The following CFAP43 variants were observed in gnomAD, a reference collection of about 807,000 sequenced individuals.
The protein encoded by CFAP43 is cilia- and flagella-associated protein 43.
In CFAP43, 155 loss-of-function variants were observed where a neutral mutation model predicts 218.9. That is an observed-to-expected ratio of 0.71 (90% confidence interval 0.62 to 0.81). The LOEUF is 0.81. Among genes scored for constraint, CFAP43 ranks in the 30% least tolerant of loss-of-function variants. The pLI is 0.00. For synonymous variants in CFAP43, 645 were observed against 681.3 expected, an observed-to-expected ratio of 0.95 and a Z score of 0.83; for missense variants, 1,778 against 1,954.3, an observed-to-expected ratio of 0.91 and a Z score of 1.70.
At chr10:104,217,551 A>G in intron 3 of CFAP43, among the ~76,000 whole-genome samples, 1 of 152,180 alleles carries the variant, frequency 6.6e-6, no homozygotes, top group East Asian at 1.9e-4. Flanking sequence ...CTTTGCTAGT[A>G]GAGCCTCTCA....
intron 5 of CFAP43, among the ~76,000 whole-genome samples, chr10:104,210,416 G>A (rs572642522): frequency 1.3e-5 from 2 of 152,334 alleles, no homozygotes; most frequent in South Asian, 4.1e-4. Context: ...ACCCAGGCTG[G>A]AGTGCAATGG....
At chr10:104,190,249 C>T (rs1331494218) in intron 12 of CFAP43, among the ~76,000 whole-genome samples, 2 of 151,308 alleles carry the variant, frequency 1.3e-5, no homozygotes. Flanking sequence ...GCAGTATTGC[C>T]TGAGCCTAGG....
chr10:104,214,440 A>G lies in CFAP43; in HGVS notation c.417-14T>C. 6.5e-7 allele frequency: 1 copy of G among 1,543,790 alleles called. No homozygotes were observed. The highest frequency in any genetic ancestry group is 8.8e-7 in the Non-Finnish European group (1 of 1,141,730). ...GATTCCCAGTTCCTTAGAGAAAAAT[A>G]GCATTTGATGAAAAAAAGTTCATTT... On this transcript the variant is annotated splice_polypyrimidine_tract_variant and intron_variant, in intron 3 of 37. Transcript: ENST00000357060.
chr10:104,204,136 C>T (rs2090613322), intron 7 of CFAP43, among the ~76,000 whole-genome samples: 1 of 152,142 alleles, frequency 6.6e-6, no homozygotes, highest in South Asian at 2.1e-4. Context: ...GTTTGTGTGG[C>T]TTGTGTATAG....
At chr10:104,188,998 TCAG>T (rs1468400089) in intron 12 of CFAP43, among the ~76,000 whole-genome samples, 2 of 152,138 alleles carry the variant, frequency 1.3e-5, no homozygotes, top group Non-Finnish European at 2.9e-5. Context: ...CCCCAGGCGG[TCAG>T]CAGATGACCT....
At chr10:104,145,377 A>C in intron 31 of CFAP43, 99 bp downstream of exon 31, 1 of 687,208 alleles carries the variant, frequency 1.5e-6, no homozygotes, top group Non-Finnish European at 2.4e-6. Context: ...TACACTGAAT[A>C]ATTCCATTTA....
intron 3 of CFAP43, among the ~76,000 whole-genome samples, chr10:104,221,578 C>A (rs1343329266): frequency 6.6e-6 from 1 of 152,130 alleles, no homozygotes. Flanking sequence ...GAATTTCTAG[C>A]CTTCAGAATT....
intron 1 of CFAP43, 56 bp from the exon 2 acceptor site, chr10:104,230,899 T>C (rs2091433766): frequency 1.3e-6 from 2 of 1,506,778 alleles, no homozygotes; most frequent in African/African-American, 2.8e-5. Context: ...CTTTTTTTTT[T>C]TTAACAAAGC....
At chr10:104,198,255 A>G (rs879575625) in intron 8 of CFAP43, among the ~76,000 whole-genome samples, 4 of 152,104 alleles carry the variant, frequency 2.6e-5, no homozygotes, top group Admixed American at 6.5e-5. Context: ...TCATTCATTC[A>G]TTCACTTATT....
chr10:104,218,703 A>G, intron 3 of CFAP43: 1 of 499,326 alleles, frequency 2.0e-6, no homozygotes, highest in Non-Finnish European at 4.1e-6. Flanking sequence ...TCTTTCATGC[A>G]AGCCCTGCAT....
intron 15 of CFAP43, 119 bp from the exon 16 acceptor site, chr10:104,185,265 T>C: frequency 7.4e-7 from 1 of 1,348,136 alleles, no homozygotes; most frequent in Non-Finnish European, 1.0e-6. Context: ...CTAACAGCAT[T>C]TTAATTGGTA....
intron 25 of CFAP43, 30 bp downstream of exon 25, chr10:104,162,287 T>G (rs747656145): frequency 3.8e-6 from 6 of 1,576,502 alleles, no homozygotes; most frequent in South Asian, 1.1e-5. Context: ...AAAGAGGGTC[T>G]TAGGACCTGT....
chr10:104,146,426 G>C (rs1308639856), intron 29 of CFAP43, 77 bp from the exon 30 acceptor site: 1 of 1,072,594 alleles, frequency 9.3e-7, no homozygotes, highest in Non-Finnish European at 1.4e-6. Context: ...ATACTAAAAA[G>C]AGCAAGGAAT....
intron 2 of CFAP43, 97 bp downstream of exon 2, chr10:104,230,493 A>C: frequency 6.8e-7 from 1 of 1,466,278 alleles, no homozygotes; most frequent in Non-Finnish European, 9.2e-7. Context: ...AAACAAAAAA[A>C]ACCTTTCAAA....
chr10:104,221,012 G>A (rs1467971471), intron 3 of CFAP43, among the ~76,000 whole-genome samples: 1 of 149,472 alleles, frequency 6.7e-6, no homozygotes, highest in Admixed American at 6.7e-5. Flanking sequence ...GTCTCGCTCT[G>A]TCACCCAGGC....
chr10:104,227,280 G>A (rs2091328020), intron 2 of CFAP43, among the ~76,000 whole-genome samples: 1 of 151,978 alleles, frequency 6.6e-6, no homozygotes, highest in Non-Finnish European at 1.5e-5. Context: ...GTAAATCTTT[G>A]ACCATATTTC....
intron 34 of CFAP43, among the ~76,000 whole-genome samples, chr10:104,136,319 A>G (rs1033339363): frequency 5.3e-5 from 8 of 150,688 alleles, no homozygotes; most frequent in African/African-American, 1.7e-4. Context: ...ATAAATCTTC[A>G]TGACTTCAGA....
chr10:104,186,939 A>AT (rs1180476504), intron 14 of CFAP43, among the ~76,000 whole-genome samples: 13 of 152,134 alleles, frequency 8.5e-5, no homozygotes, highest in South Asian at 6.2e-4. Flanking sequence ...CAGTTTAATT[A>AT]TTTTTTGTAA....
intron 3 of CFAP43, among the ~76,000 whole-genome samples, chr10:104,218,620 G>C (rs1297564226): frequency 1.3e-5 from 2 of 151,988 alleles, no homozygotes; most frequent in Non-Finnish European, 2.9e-5. Context: ...GGTACTAAAG[G>C]CTCTTGCATC....
Sources: allele counts gnomAD v4.1 joint callset (sites outside exome capture counted in the v4.1 genomes callset), GRCh38; gene constraint gnomAD v4.1.1; transcripts MANE v1.5; gene names NCBI Gene and HGNC (gene_info 2026-07-23, HGNC 2026-07-21).